Variants in CADM2 observed in about 807,000 individuals in gnomAD.
CADM2 encodes the protein cell adhesion molecule 2, also known as immunoglobulin superfamily member 4D.
Under a neutral mutation model 49.8 loss-of-function variants are expected in CADM2, and 12 were observed. That is an observed-to-expected ratio of 0.24 (90% CI 0.15 to 0.39). CADM2 has a LOEUF of 0.39. Ranked by LOEUF, CADM2 falls within the 10% of genes least tolerant of loss-of-function variation. The probability of loss-of-function intolerance (pLI) is 1.00; values close to 1 mark genes in which losing one functional copy is unlikely to be tolerated. For missense variants in CADM2, 378 were observed against 492.3 expected, an observed-to-expected ratio of 0.77 and a Z score of 2.20; for synonymous variants, 214 against 175.4, an observed-to-expected ratio of 1.22 and a Z score of -1.74.
At chr3:85,257,974 A>G (rs565466351) in intron 1 of CADM2, among the ~76,000 whole-genome samples, 20 of 151,950 alleles carry the variant, frequency 1.3e-4, no homozygotes, top group African/African-American at 4.8e-4. Context: ...AATATGAGTG[A>G]CTCCTCCCAT....
intron 1 of CADM2, among the ~76,000 whole-genome samples, chr3:85,143,092 A>G (rs1488614971): frequency 6.6e-6 from 1 of 152,208 alleles, no homozygotes; most frequent in East Asian, 1.9e-4. Context: ...GTATACAAAC[A>G]GGCAAGAGAT....
At chr3:85,113,687 T>TTG (rs2107575259) in intron 1 of CADM2, among the ~76,000 whole-genome samples, 1 of 97,162 alleles carries the variant, frequency 1.0e-5, no homozygotes, top group South Asian at 3.0e-4. Flanking sequence ...TATTCATTCG[T>TTG]TTTTTTTTTT....
At chr3:85,390,760 G>A (rs1216054053) in intron 1 of CADM2, among the ~76,000 whole-genome samples, 1 of 151,966 alleles carries the variant, frequency 6.6e-6, no homozygotes, top group Non-Finnish European at 1.5e-5. Context: ...TTTTTCTCAA[G>A]TCTCAACTAG....
At chr3:85,489,832 G>T (rs1237236330) in intron 1 of CADM2, among the ~76,000 whole-genome samples, 1 of 146,424 alleles carries the variant, frequency 6.8e-6, no homozygotes, top group African/African-American at 2.5e-5. Context: ...AGAGAGCAAA[G>T]CGAGGGAGAG....
chr3:85,933,062 G>A (rs915533864), intron 6 of CADM2, among the ~76,000 whole-genome samples: 3 of 152,064 alleles, frequency 2.0e-5, no homozygotes, highest in African/African-American at 7.2e-5. Flanking sequence ...GCCACATTGT[G>A]CGTTCCTCTT....
intron 1 of CADM2, among the ~76,000 whole-genome samples, chr3:85,586,075 A>G (rs554767547): frequency 6.6e-6 from 1 of 152,098 alleles, no homozygotes; most frequent in East Asian, 1.9e-4. Flanking sequence ...GGGAGCCATC[A>G]CTCATTAAAG....
intron 1 of CADM2, among the ~76,000 whole-genome samples, chr3:85,328,863 C>T (rs1400294865): frequency 1.4e-5 from 2 of 142,788 alleles, no homozygotes; most frequent in African/African-American, 5.3e-5. Flanking sequence ...TTTATATAAA[C>T]ATAACCTCAT....
chr3:85,618,811 C>A (rs2063878785), intron 1 of CADM2, among the ~76,000 whole-genome samples: 1 of 151,352 alleles, frequency 6.6e-6, no homozygotes, highest in African/African-American at 2.4e-5. Flanking sequence ...TTTGTTATCT[C>A]CATATATGAC....
chr3:85,716,815 G>A (rs1010831257), intron 1 of CADM2, among the ~76,000 whole-genome samples: 1 of 152,042 alleles, frequency 6.6e-6, no homozygotes, highest in Non-Finnish European at 1.5e-5. Context: ...TAGATGCATG[G>A]TGCAATTTCT....
At chr3:85,222,404 G>T (rs2042062833) in intron 1 of CADM2, among the ~76,000 whole-genome samples, 1 of 152,154 alleles carries the variant, frequency 6.6e-6, no homozygotes, top group Non-Finnish European at 1.5e-5. Context: ...ACCAGGTGAT[G>T]CTGGTATTCT....
chr3:85,540,859 G>A (rs1332990176), intron 1 of CADM2, among the ~76,000 whole-genome samples: 2 of 152,118 alleles, frequency 1.3e-5, no homozygotes, highest in African/African-American at 4.8e-5. Flanking sequence ...CCTAAGGCTT[G>A]CAGATTCTTC....
chr3:85,958,513 A>G (rs1724349285), intron 7 of CADM2, among the ~76,000 whole-genome samples: 1 of 151,968 alleles, frequency 6.6e-6, no homozygotes, highest in African/African-American at 2.4e-5. Flanking sequence ...ATCTATAACC[A>G]GAAATACCAT....
chr3:85,195,299 G>T (rs1261521860), intron 1 of CADM2, among the ~76,000 whole-genome samples: 2 of 151,844 alleles, frequency 1.3e-5, no homozygotes, highest in Non-Finnish European at 2.9e-5. Context: ...GCTTTTTCAA[G>T]TCTCCTGCCT....
intron 1 of CADM2, among the ~76,000 whole-genome samples, chr3:85,337,479 A>C (rs1260180211): frequency 3.3e-5 from 5 of 151,390 alleles, no homozygotes; most frequent in African/African-American, 1.2e-4. Flanking sequence ...GACAAAAATA[A>C]ATGGCCTACA....
At chr3:85,361,408 C>A (rs2032352140) in intron 1 of CADM2, among the ~76,000 whole-genome samples, 1 of 152,080 alleles carries the variant, frequency 6.6e-6, no homozygotes, top group Non-Finnish European at 1.5e-5. Flanking sequence ...AACTCAGGGG[C>A]TGCCTTAGCC....
At chr3:85,599,802 T>C (rs1230863686) in intron 1 of CADM2, among the ~76,000 whole-genome samples, 1 of 151,914 alleles carries the variant, frequency 6.6e-6, no homozygotes, top group African/African-American at 2.4e-5. Context: ...TAAAAAATAT[T>C]TTAGGAAATT....
At chr3:86,052,069 A>T (rs1241753762) in intron 8 of CADM2, among the ~76,000 whole-genome samples, 1 of 152,202 alleles carries the variant, frequency 6.6e-6, no homozygotes. Context: ...AAATGGATTT[A>T]TTTGAAGGTA....
chr3:85,359,664 A>ATTTT (rs1434535137), intron 1 of CADM2, among the ~76,000 whole-genome samples: 1,147 of 29,966 alleles, frequency 0.038, 43 homozygotes, highest in Non-Finnish European at 0.055. Context: ...ATATATATAT[A>ATTTT]TATTTTTTTT....
At chr3:85,284,447 A>C (rs1016671307) in intron 1 of CADM2, among the ~76,000 whole-genome samples, 7 of 152,214 alleles carry the variant, frequency 4.6e-5, no homozygotes, top group Admixed American at 3.9e-4. Context: ...GAGAAGAAGA[A>C]AAATATCAGG....
Sources: gnomAD v4.1 joint callset for allele counts (sites outside exome capture counted in the v4.1 genomes callset) on GRCh38, gnomAD v4.1.1 for gene constraint, MANE v1.5 for transcripts, NCBI Gene and HGNC (gene_info 2026-07-23, HGNC 2026-07-21) for gene names.